The following GRIK2 variants were observed in gnomAD, a reference collection of about 807,000 sequenced individuals.
GRIK2 encodes glutamate ionotropic receptor kainate type subunit 2.
GRIK2 carries 32 observed loss-of-function variants against 100.3 expected under a neutral mutation model. The observed-to-expected ratio is 0.32, with a 90% CI of 0.24 to 0.43. The LOEUF is 0.43. GRIK2 is among the 20% of genes least tolerant of loss of function. The pLI is 1.00. For missense variants in GRIK2, 843 were observed against 1,114.9 expected, an observed-to-expected ratio of 0.76 and a Z score of 3.47; for synonymous variants, 417 against 389.4, an observed-to-expected ratio of 1.07 and a Z score of -0.83.
intron 4 of GRIK2, among the ~76,000 whole-genome samples, chr6:101,643,801 A>G (rs1781395597): frequency 6.6e-6 from 1 of 151,796 alleles, no homozygotes; most frequent in Non-Finnish European, 1.5e-5. Context: ...TTAAATCTAT[A>G]GATCACTTTG....
At chr6:101,663,865 G>C (rs1769817406) in intron 4 of GRIK2, among the ~76,000 whole-genome samples, 1 of 152,136 alleles carries the variant, frequency 6.6e-6, no homozygotes, top group Non-Finnish European at 1.5e-5. Flanking sequence ...CCATTCGGTA[G>C]GCATCTAACC....
chr6:101,752,320 T>C (rs892192024), intron 7 of GRIK2, among the ~76,000 whole-genome samples: 4 of 152,128 alleles, frequency 2.6e-5, no homozygotes, highest in African/African-American at 9.7e-5. Context: ...TGTTGAGTAT[T>C]AACACGATTT....
intron 2 of GRIK2, among the ~76,000 whole-genome samples, chr6:101,491,172 A>T (rs1233124312): frequency 6.6e-6 from 1 of 151,502 alleles, no homozygotes; most frequent in African/African-American, 2.4e-5. Flanking sequence ...AGTGGCTAAT[A>T]TGAATGAATG....
intron 4 of GRIK2, among the ~76,000 whole-genome samples, chr6:101,650,874 C>T (rs1781752661): frequency 6.6e-6 from 1 of 152,068 alleles, no homozygotes; most frequent in African/African-American, 2.4e-5. Context: ...CACCCCCTAG[C>T]ACCTAGTAAC....
At chr6:101,704,683 GA>G (rs1310411084) in intron 7 of GRIK2, among the ~76,000 whole-genome samples, 1 of 150,116 alleles carries the variant, frequency 6.7e-6, no homozygotes, top group African/African-American at 2.4e-5. Flanking sequence ...CCCACCCCCC[GA>G]AAAAAACCCA....
chr6:101,467,313 A>T (rs1232285361), intron 2 of GRIK2, among the ~76,000 whole-genome samples: 1 of 152,210 alleles, frequency 6.6e-6, no homozygotes, highest in African/African-American at 2.4e-5. Context: ...ATTTAATTAT[A>T]CAGTAGTAGG....
At chr6:101,536,754 G>T (rs773981514) in intron 2 of GRIK2, among the ~76,000 whole-genome samples, 34 of 151,474 alleles carry the variant, frequency 2.2e-4, no homozygotes, top group Non-Finnish European at 4.4e-4. Flanking sequence ...TATTGATATG[G>T]TTATCAAAAT....
intron 14 of GRIK2, among the ~76,000 whole-genome samples, chr6:101,956,016 A>G (rs982164547): frequency 6.6e-6 from 1 of 151,904 alleles, no homozygotes; most frequent in African/African-American, 2.4e-5. Flanking sequence ...TTTCTTTTTA[A>G]ATATAATCAT....
chr6:101,659,918 C>T (rs1406083709), intron 4 of GRIK2, among the ~76,000 whole-genome samples: 1 of 152,088 alleles, frequency 6.6e-6, no homozygotes, highest in African/African-American at 2.4e-5. Flanking sequence ...TCCTTCATTT[C>T]AACCTTGGTG....
chr6:101,796,613 T>C (rs1254253331), intron 7 of GRIK2, among the ~76,000 whole-genome samples: 1 of 152,108 alleles, frequency 6.6e-6, no homozygotes, highest in Non-Finnish European at 1.5e-5. Context: ...ATTTCAGAAG[T>C]TCTGTTTATT....
At chr6:101,845,843 A>G (rs533094491) in intron 10 of GRIK2, among the ~76,000 whole-genome samples, 2 of 152,264 alleles carry the variant, frequency 1.3e-5, no homozygotes, top group East Asian at 3.9e-4. Flanking sequence ...TTTTAAAATT[A>G]TAAAACATCC....
intron 2 of GRIK2, among the ~76,000 whole-genome samples, chr6:101,591,671 A>G (rs118106509): frequency 0.023 from 3,476 of 152,152 alleles, 59 homozygotes; most frequent in Non-Finnish European, 0.037. Context: ...TAAGAAATGT[A>G]CTGTTAACAT....
intron 14 of GRIK2, among the ~76,000 whole-genome samples, chr6:102,024,181 A>G (rs1769573958): frequency 6.6e-6 from 1 of 150,828 alleles, no homozygotes; most frequent in Non-Finnish European, 1.5e-5. Flanking sequence ...TCCTGTGTGA[A>G]GGGCACTCTG....
At chr6:101,691,063 G>A (rs1357098746) in intron 7 of GRIK2, among the ~76,000 whole-genome samples, 1 of 152,096 alleles carries the variant, frequency 6.6e-6, no homozygotes, top group Non-Finnish European at 1.5e-5. Flanking sequence ...CTAGTTTAAT[G>A]CCTGGTGTAA....
chr6:101,945,965 TAATC>T (rs1483789558), intron 14 of GRIK2, among the ~76,000 whole-genome samples: 3 of 150,942 alleles, frequency 2.0e-5, no homozygotes, highest in Non-Finnish European at 4.4e-5. Flanking sequence ...GTAAGTAAAT[TAATC>T]AATATAAGAT....
chr6:101,630,382 TG>T (rs1022342477), intron 4 of GRIK2, among the ~76,000 whole-genome samples: 9 of 152,256 alleles, frequency 5.9e-5, no homozygotes, highest in Admixed American at 4.6e-4. Context: ...TTTATTGTTT[TG>T]ACTTCTTAAT....
intron 7 of GRIK2, among the ~76,000 whole-genome samples, chr6:101,695,025 T>C (rs1313843155): frequency 6.6e-6 from 1 of 150,854 alleles, no homozygotes; most frequent in Non-Finnish European, 1.5e-5. Context: ...AATTCTTATT[T>C]ATATCTAAAT....
chr6:101,806,675 T>G (rs933311731), intron 9 of GRIK2, among the ~76,000 whole-genome samples: 1 of 151,244 alleles, frequency 6.6e-6, no homozygotes, highest in Non-Finnish European at 1.5e-5. Context: ...TTCTTATCAC[T>G]TTGGCATAGA....
intron 14 of GRIK2, among the ~76,000 whole-genome samples, chr6:101,952,519 T>C (rs773381383): frequency 1.3e-5 from 2 of 152,168 alleles, no homozygotes; most frequent in Non-Finnish European, 1.5e-5. Flanking sequence ...TCTATTAAGA[T>C]GTAATTTATA....
Sources: allele counts gnomAD v4.1 joint callset (sites outside exome capture counted in the v4.1 genomes callset), GRCh38; gene constraint gnomAD v4.1.1; transcripts MANE v1.5; gene names NCBI Gene and HGNC (gene_info 2026-07-23, HGNC 2026-07-21).